STRN: variants seen among roughly 807,000 people sequenced by gnomAD.
STRN encodes striatin.
STRN carries 53 observed loss-of-function variants against 96.3 expected under a neutral mutation model. That is an observed-to-expected ratio of 0.55 (90% CI 0.44 to 0.69). The LOEUF is 0.69. Among genes scored for constraint, STRN ranks in the 30% least tolerant of loss-of-function variants. STRN has a pLI of 0.00. For synonymous variants in STRN, 428 were observed against 355.9 expected, an observed-to-expected ratio of 1.20 and a Z score of -2.28; for missense variants, 987 against 963.9, an observed-to-expected ratio of 1.02 and a Z score of -0.32.
intron 15 of STRN, among the ~76,000 whole-genome samples, chr2:36,852,173 T>C (rs1668237957): frequency 6.6e-6 from 1 of 152,212 alleles, no homozygotes; most frequent in South Asian, 2.1e-4. Context: ...TGATCACACA[T>C]TCTTCCTGAA....
chr2:36,889,219 G>C (rs1669323261), intron 7 of STRN, among the ~76,000 whole-genome samples: 2 of 152,110 alleles, frequency 1.3e-5, no homozygotes, highest in South Asian at 4.1e-4. Flanking sequence ...GTAAACCAAA[G>C]TGAATCATAA....
intron 1 of STRN, among the ~76,000 whole-genome samples, chr2:36,942,633 A>C (rs1037539181): frequency 2.6e-5 from 4 of 152,226 alleles, no homozygotes; most frequent in Non-Finnish European, 5.9e-5. Context: ...TGACAATACC[A>C]CGAACAAGGT....
chr2:36,882,532 C>T (rs1045223020), intron 9 of STRN, among the ~76,000 whole-genome samples: 1 of 151,964 alleles, frequency 6.6e-6, no homozygotes, highest in Non-Finnish European at 1.5e-5. Flanking sequence ...TTTGGGAGGC[C>T]GACGCAGTTG....
chr2:36,942,890 T>A (rs1369849775), intron 1 of STRN, among the ~76,000 whole-genome samples: 1 of 132,482 alleles, frequency 7.5e-6, no homozygotes, highest in African/African-American at 2.7e-5. Flanking sequence ...AAGACAGAGT[T>A]TCACCATGTT....
chr2:36,876,931 A>G (rs973460860), intron 10 of STRN, among the ~76,000 whole-genome samples: 1 of 151,776 alleles, frequency 6.6e-6, no homozygotes, highest in African/African-American at 2.4e-5. Flanking sequence ...TGTATTTTTA[A>G]TAGAGACGGG....
intron 13 of STRN, among the ~76,000 whole-genome samples, chr2:36,858,494 A>G (rs1023129133): frequency 1.1e-4 from 17 of 152,170 alleles, no homozygotes; most frequent in African/African-American, 4.1e-4. Context: ...TTTCCTGAAA[A>G]TATGGCATTC....
chr2:36,855,097 G>A (rs975316195), intron 15 of STRN, 115 bp downstream of exon 15: 1 of 1,108,764 alleles, frequency 9.0e-7, no homozygotes, highest in Non-Finnish European at 1.3e-6. Flanking sequence ...TGTTCTGAAA[G>A]TTAAGAGACA....
intron 1 of STRN, among the ~76,000 whole-genome samples, chr2:36,934,500 G>T (rs1212162542): frequency 6.6e-6 from 1 of 152,150 alleles, no homozygotes; most frequent in Non-Finnish European, 1.5e-5. Flanking sequence ...TATAACGTAT[G>T]ATTTTGTTTA....
rs547757612 is a variant in STRN at position 36,877,163 on chromosome 2, G to C, written c.1323+728C>G. ...ATGGGTCAGCCTTAACATCTGGAAA[G>C]CACACTGTATACATCCATGCCTACT... On this transcript the variant is annotated intron_variant, in intron 10 of 17. Coordinates refer to ENST00000263918, the MANE Select transcript of STRN (RefSeq NM_003162.4). Among the ~76,000 whole-genome samples, 22 of 152,254 alleles carry C rather than the reference G, an allele frequency of 1.4e-4. No individual in the cohort carries two copies. In the East Asian group the frequency reaches 4.0e-3, roughly 28 times the overall value.
chr2:36,887,240 C>G (rs1669259527), intron 7 of STRN, among the ~76,000 whole-genome samples: 1 of 150,608 alleles, frequency 6.6e-6, no homozygotes, highest in Admixed American at 6.6e-5. Flanking sequence ...ACCAGCCTGA[C>G]CAACAGGTGA....
chr2:36,940,609 C>T lies in STRN; in HGVS notation c.235-15401G>A, dbSNP rs570926483. ...TTGGGAAGCCGAAGCGGATGCATCA[C>T]GAGGTCAGGAGATCAAGACCATCCT... is the stretch of plus-strand genomic sequence containing the variant. On this transcript the variant is annotated intron_variant, in intron 1 of 17. Coordinates refer to ENST00000263918, the MANE Select transcript of STRN (RefSeq NM_003162.4). Among the ~76,000 whole-genome samples the T allele has an allele frequency of 3.3e-5, 5 of 151,932 alleles. No individual in the cohort carries two copies. The South Asian group carries it at 6.2e-4, about 19-fold the overall frequency.
At chr2:36,916,798 A>G (rs1165247305) in intron 2 of STRN, among the ~76,000 whole-genome samples, 2 of 152,192 alleles carry the variant, frequency 1.3e-5, no homozygotes, top group African/African-American at 4.8e-5. Flanking sequence ...CAAAGTTGAC[A>G]GAATGTTATC....
At chr2:36,949,822 G>A (rs1664706811) in intron 1 of STRN, among the ~76,000 whole-genome samples, 1 of 152,142 alleles carries the variant, frequency 6.6e-6, no homozygotes, top group African/African-American at 2.4e-5. Flanking sequence ...AACTGGACAT[G>A]TACAATTTTA....
chr2:36,849,161 T>A lies in STRN; in HGVS notation c.*295A>T, dbSNP rs1289518609. On this transcript the variant is annotated 3_prime_UTR_variant, in exon 18 of 18. Coordinates refer to ENST00000263918, the MANE Select transcript of STRN (RefSeq NM_003162.4). Reference sequence around the variant, plus strand: ...TCAACAGGGACAAGCTAAACTTGTATTCGCTCAGGCCTGCCTAGCGAATTA... The same window carrying A: ...TCAACAGGGACAAGCTAAACTTGTAATCGCTCAGGCCTGCCTAGCGAATTA... 3.3e-5 allele frequency: 10 copies of A among 307,522 alleles called. No individual in the cohort carries two copies. The highest frequency in any genetic ancestry group is 5.4e-5 in the Non-Finnish European group (9 of 165,768). The allele number at this position is 307,522 out of a possible 1,614,324, so 19.0% of individuals were successfully genotyped here.
At chr2:36,962,879 A>T (rs1665063208) in intron 1 of STRN, among the ~76,000 whole-genome samples, 1 of 152,222 alleles carries the variant, frequency 6.6e-6, no homozygotes, top group Admixed American at 6.5e-5. Context: ...TACAAGTTAT[A>T]TCGTACTAAT....
intron 10 of STRN, among the ~76,000 whole-genome samples, chr2:36,877,211 C>A (rs777222407): frequency 6.6e-5 from 10 of 152,158 alleles, no homozygotes; most frequent in Non-Finnish European, 1.0e-4. Context: ...CTCTTCTCAA[C>A]AGGATATTGA....
intron 6 of STRN, among the ~76,000 whole-genome samples, chr2:36,895,754 T>C (rs974075856): frequency 4.3e-5 from 1 of 23,220 alleles, no homozygotes; most frequent in African/African-American, 8.6e-5. Context: ...CTACTAAAAA[T>C]ACAAAAAAAA....
At chr2:36,887,044 C>CAG (rs371123859) in intron 7 of STRN, among the ~76,000 whole-genome samples, 1,874 of 7,556 alleles carry the variant, frequency 0.25, 34 homozygotes, top group Non-Finnish European at 0.43. Flanking sequence ...TCCTGAAAGA[C>CAG]ACACACACAC....
At chr2:36,928,957 A>G (rs1403486205) in intron 1 of STRN, among the ~76,000 whole-genome samples, 1 of 152,062 alleles carries the variant, frequency 6.6e-6, no homozygotes, top group Admixed American at 6.6e-5. Flanking sequence ...CAAAAAAAAA[A>G]AAAAAAAAGT....
Sources: gnomAD v4.1 joint callset for allele counts (sites outside exome capture counted in the v4.1 genomes callset) on GRCh38, gnomAD v4.1.1 for gene constraint, MANE v1.5 for transcripts, NCBI Gene and HGNC (gene_info 2026-07-23, HGNC 2026-07-21) for gene names.